Variants in PIK3CB observed in about 807,000 individuals in gnomAD.
PIK3CB encodes the protein phosphatidylinositol 4,5-bisphosphate 3-kinase catalytic subunit beta isoform.
Under a neutral mutation model 136.8 loss-of-function variants are expected in PIK3CB, and 39 were observed. The ratio of observed to expected loss-of-function variants is 0.29; its 90% CI spans 0.22 to 0.37. The LOEUF (loss-of-function observed/expected upper bound fraction) is 0.37, where lower values mean the gene tolerates loss of function less well. PIK3CB is among the 10% of genes least tolerant of loss of function. The pLI is 1.00. For missense variants in PIK3CB, 868 were observed against 1,275.4 expected, an observed-to-expected ratio of 0.68 and a Z score of 4.87; for synonymous variants, 428 against 436.6, an observed-to-expected ratio of 0.98 and a Z score of 0.25.
At chr3:138,828,956 T>C (rs1227148247) in intron 1 of PIK3CB, among the ~76,000 whole-genome samples, 1 of 45,486 alleles carries the variant, frequency 2.2e-5, no homozygotes, top group Non-Finnish European at 5.3e-5. Flanking sequence ...CCAGGCTAAT[T>C]TTTTTTTTTT....
intron 19 of PIK3CB, 43 bp downstream of exon 19, chr3:138,681,924 G>T (rs1260267780): frequency 8.4e-7 from 1 of 1,185,466 alleles, no homozygotes; most frequent in South Asian, 1.4e-5. Context: ...TTTTTGCTAT[G>T]GGAAGACATT....
rs980326881 is a variant in PIK3CB at position 138,744,316 on chromosome 3, ACCCGGGAGGCGGAGCTG to A, written c.398-1552_398-1536del. Among the ~76,000 whole-genome samples, 13 of 138,106 alleles carry A rather than the reference ACCCGGGAGGCGGAGCTG, an allele frequency of 9.4e-5. No individual in the cohort carries two copies. In the Admixed American group the frequency reaches 9.7e-4, roughly 10 times the overall value. The allele number at this position is 138,106 out of a possible 152,430, so 90.6% of individuals were successfully genotyped here. On this transcript the variant is annotated intron_variant, in intron 4 of 23. Transcript: ENST00000674063. Reference sequence around the variant, plus strand: ...AGGCTGAGGCAGGAGAATGGCGTGAACCCGGGAGGCGGAGCTGGCAGTCAGCCGAGATTGTGTCACTG... The same window carrying A: ...AGGCTGAGGCAGGAGAATGGCGTGAAGCAGTCAGCCGAGATTGTGTCACTG...
intron 2 of PIK3CB, among the ~76,000 whole-genome samples, chr3:138,787,345 G>A (rs1197447637): frequency 3.5e-5 from 5 of 141,494 alleles, no homozygotes; most frequent in Non-Finnish European, 6.0e-5. Flanking sequence ...CAGCCTGGGC[G>A]ACAGAGCAAG....
chr3:138,717,863 T>C (rs2044645172), intron 8 of PIK3CB, among the ~76,000 whole-genome samples: 1 of 152,206 alleles, frequency 6.6e-6, no homozygotes, highest in African/African-American at 2.4e-5. Context: ...AAAGACATGA[T>C]CTCATTCTTT....
intron 23 of PIK3CB, 27 bp downstream of exon 23, chr3:138,656,115 A>G: frequency 1.9e-6 from 3 of 1,612,898 alleles, no homozygotes; most frequent in Non-Finnish European, 2.5e-6. Context: ...CACAAAGTCC[A>G]AGAGAGAAGG....
chr3:138,763,290 C>A (rs747287483), intron 2 of PIK3CB, among the ~76,000 whole-genome samples: 1 of 152,130 alleles, frequency 6.6e-6, no homozygotes, highest in Non-Finnish European at 1.5e-5. Flanking sequence ...AGGCACACAC[C>A]ATCATGCCCG....
At chr3:138,772,783 CTTT>C (rs776881626) in intron 2 of PIK3CB, among the ~76,000 whole-genome samples, 51 of 112,200 alleles carry the variant, frequency 4.5e-4, no homozygotes, top group African/African-American at 1.7e-3. Context: ...TATTTATTCT[CTTT>C]TTTTTTTTTT....
intron 1 of PIK3CB, among the ~76,000 whole-genome samples, chr3:138,831,592 A>G (rs1163543249): frequency 6.6e-6 from 1 of 151,150 alleles, no homozygotes; most frequent in Non-Finnish European, 1.5e-5. Flanking sequence ...TCTCTAAATA[A>G]GTAAATAAAT....
chr3:138,783,574 T>C (rs1297202823), intron 2 of PIK3CB, among the ~76,000 whole-genome samples: 2 of 152,112 alleles, frequency 1.3e-5, no homozygotes, highest in Admixed American at 6.6e-5. Flanking sequence ...TGAGCCACCA[T>C]GGCCCATGAG....
chr3:138,749,996 G>C (rs1005463420), intron 4 of PIK3CB, among the ~76,000 whole-genome samples: 16 of 152,158 alleles, frequency 1.1e-4, no homozygotes, highest in Non-Finnish European at 2.9e-5. Flanking sequence ...TCCCACCTCA[G>C]CCTCTCAAGT....
At chr3:138,746,107 A>G (rs2045349964) in intron 4 of PIK3CB, among the ~76,000 whole-genome samples, 1 of 152,044 alleles carries the variant, frequency 6.6e-6, no homozygotes, top group Admixed American at 6.6e-5. Context: ...TTAGCTGGGC[A>G]TGGTGGTGCA....
In PIK3CB at chr3:138,756,083, T is replaced by C. The variant is rs1263331832; in HGVS notation, c.172-104A>G. On this transcript the variant is annotated intron_variant, in intron 3 of 23. Coordinates refer to ENST00000674063, the MANE Select transcript of PIK3CB (RefSeq NM_006219.3). Reference sequence around the variant, plus strand: ...CACTGTTTGTAAAAATAAAAAACTATGAACAAATCAAATGTTTAGCAATAA... The same window carrying C: ...CACTGTTTGTAAAAATAAAAAACTACGAACAAATCAAATGTTTAGCAATAA... 1.4e-5 allele frequency: 7 copies of C among 500,896 alleles called. No homozygotes were observed. In the Admixed American group the frequency reaches 1.9e-4, roughly 13 times the overall value. 31.0% of individuals were successfully genotyped at this position (500,896 alleles called of 1,614,324 possible).
At chr3:138,794,558 T>C (rs1195513488) in intron 2 of PIK3CB, among the ~76,000 whole-genome samples, 2 of 152,176 alleles carry the variant, frequency 1.3e-5, no homozygotes, top group Admixed American at 6.6e-5. Context: ...GTCTATGAGA[T>C]GCAGGATTGA....
At chr3:138,790,706 C>G (rs1354006905) in intron 2 of PIK3CB, among the ~76,000 whole-genome samples, 1 of 150,064 alleles carries the variant, frequency 6.7e-6, no homozygotes, top group Non-Finnish European at 1.5e-5. Flanking sequence ...CCCAGCTACT[C>G]GGGAGGCTGA....
chr3:138,739,148 T>C (rs1026393194), intron 5 of PIK3CB, among the ~76,000 whole-genome samples: 7 of 152,040 alleles, frequency 4.6e-5, no homozygotes, highest in African/African-American at 1.2e-4. Flanking sequence ...AGTGTCCTTA[T>C]AAAAGAGACC....
chr3:138,701,932 C>CTA (rs907264570), intron 12 of PIK3CB, among the ~76,000 whole-genome samples: 35 of 148,142 alleles, frequency 2.4e-4, no homozygotes, highest in South Asian at 4.2e-4. Flanking sequence ...AAAGTAGAAA[C>CTA]TATATATATA....
chr3:138,825,452 T>C, intron 1 of PIK3CB: 1 of 696,960 alleles, frequency 1.4e-6, no homozygotes, highest in Non-Finnish European at 2.6e-6. Flanking sequence ...TATGAGGAAA[T>C]CATTAAGGAA....
chr3:138,655,283 T>C lies in PIK3CB; in HGVS notation c.*106A>G. 1.8e-6 allele frequency: 2 copies of C among 1,125,594 alleles called. No homozygotes were observed. Among genetic ancestry groups the C allele is most frequent in the Non-Finnish European group, 2.6e-6 (2 of 773,914 alleles). The allele number at this position is 1,125,594 out of a possible 1,614,324, so 69.7% of individuals were successfully genotyped here. A position where few individuals can be genotyped will look rare whatever the true frequency, so the allele number is the denominator to read the frequency against. On this transcript the variant is annotated 3_prime_UTR_variant, in exon 24 of 24. Transcript: ENST00000674063. Reference sequence around the variant, plus strand: ...TTAATTTAACTCTGAGTTCCAGGATTTCATTCCCTTTATAACATCTCTAAC... The same window carrying C: ...TTAATTTAACTCTGAGTTCCAGGATCTCATTCCCTTTATAACATCTCTAAC...
chr3:138,801,731 C>T (rs1269278346), intron 1 of PIK3CB, among the ~76,000 whole-genome samples: 10 of 151,338 alleles, frequency 6.6e-5, no homozygotes, highest in African/African-American at 1.9e-4. Flanking sequence ...GGCATGGTGG[C>T]GCGTGCTTGT....
Sources: gnomAD v4.1 joint callset for allele counts (sites outside exome capture counted in the v4.1 genomes callset) on GRCh38, gnomAD v4.1.1 for gene constraint, MANE v1.5 for transcripts, NCBI Gene and HGNC (gene_info 2026-07-23, HGNC 2026-07-21) for gene names.